Variants in DDX17 observed in about 807,000 individuals in gnomAD.
DDX17 encodes probable ATP-dependent RNA helicase DDX17.
In DDX17, 10 loss-of-function variants were observed where a neutral mutation model predicts 80.8. That is an observed-to-expected ratio of 0.12 (90% CI 0.08 to 0.21). The LOEUF is 0.21. Among genes scored for constraint, DDX17 ranks in the 10% least tolerant of loss-of-function variants. The pLI, the probability that DDX17 is intolerant of heterozygous loss-of-function variation, is 1.00. For synonymous variants in DDX17, 339 were observed against 336.2 expected (o/e 1.01, Z -0.09); for missense variants, 586 against 957.4 (o/e 0.61, Z 5.12).
chr22:38,490,097 G>T, intron 11 of DDX17: 1 of 1,114,068 alleles, frequency 9.0e-7, no homozygotes. Context: ...AAGGTGTCCT[G>T]TGTGTGCATG....
rs2089689753 is a variant in DDX17, at chr22:38,489,096, T to C, written c.1448-981A>G. 2 of 983,978 alleles carry C rather than the reference T, an allele frequency of 2.0e-6. No individual in the cohort carries two copies. The highest frequency in any genetic ancestry group is 4.7e-5 in the South Asian group (1 of 21,264). The allele number at this position is 983,978 out of a possible 1,614,324, so 61.0% of individuals were successfully genotyped here. The stretch of plus-strand genomic sequence containing the variant: ...CTACTTAAACAAACAATTTTAAGAA[T>C]ATAACAAAGAATCCTACTGTTTTGT... On this transcript the variant is annotated intron_variant, in intron 11 of 12. Transcript: ENST00000403230. The surrounding 1 kb of genome is among the most constrained non-coding windows in gnomAD (Gnocchi z 4.6).
rs773591933 is a variant in DDX17 at position 38,506,263 on chromosome 22, T to G, written c.-26A>C. ...GTTTGGCTACGCTCAAACCGGGCAGTGCCGCGGTTTAGGCGTCTCCTTCCT... is the reference window on the plus strand; with the variant it reads ...GTTTGGCTACGCTCAAACCGGGCAGGGCCGCGGTTTAGGCGTCTCCTTCCT... On this transcript the variant is annotated 5_prime_UTR_variant, in exon 1 of 13. Transcript: ENST00000403230. 1.5e-5 allele frequency: 24 copies of G among 1,576,762 alleles called. No individual in the cohort carries two copies. Among genetic ancestry groups the G allele is most frequent in the Non-Finnish European group, 1.9e-5 (22 of 1,164,402 alleles).
rs1287993345 is a variant in DDX17, at chr22:38,504,894, C to T, written c.287+1057G>A. ...CACACACACACATATCAAGTGGCGT[C>T]ACGTAACTCTTTGGGGAAGCGGGGG... On this transcript the variant is annotated intron_variant, in intron 1 of 12. Transcript: ENST00000403230. Among the ~76,000 whole-genome samples the T allele has an allele frequency of 2.6e-5, 4 of 151,680 alleles. No homozygotes were observed. The East Asian group carries it at 7.8e-4, about 29-fold the overall frequency.
intron 9 of DDX17, 50 bp downstream of exon 9, chr22:38,493,971 T>G: frequency 6.8e-7 from 1 of 1,465,452 alleles, no homozygotes; most frequent in Non-Finnish European, 9.4e-7. Context: ...ATTTAGAAAT[T>G]TCCAGTTAAC....
At chr22:38,498,172 A>T in intron 4 of DDX17, 22 bp from the exon 5 acceptor site, 1 of 1,610,728 alleles carries the variant, frequency 6.2e-7, no homozygotes, top group Non-Finnish European at 8.5e-7. Context: ...GGAAAGAATG[A>T]CAACCTTACG....
At chr22:38,503,068 T>TA (rs2089846295) in intron 1 of DDX17, among the ~76,000 whole-genome samples, 1 of 152,154 alleles carries the variant, frequency 6.6e-6, no homozygotes, top group Admixed American at 6.5e-5. Context: ...GCTAATTCCA[T>TA]TTATACCACT....
intron 1 of DDX17, among the ~76,000 whole-genome samples, chr22:38,502,700 AACAC>A (rs1348966718): frequency 6.6e-6 from 1 of 152,234 alleles, no homozygotes; most frequent in Non-Finnish European, 1.5e-5. Context: ...GAAGAATCTT[AACAC>A]TAAGATGGCC....
At chr22:38,495,154 A>T in intron 6 of DDX17, 108 bp from the exon 7 acceptor site, 2 of 1,079,468 alleles carry the variant, frequency 1.9e-6, no homozygotes, top group Non-Finnish European at 2.6e-6. Context: ...AGGCCAGTTC[A>T]CAACCAGCCT....
intron 12 of DDX17, 21 bp from the exon 13 acceptor site, chr22:38,486,461 G>A (rs1316286293): frequency 6.4e-7 from 1 of 1,568,648 alleles, no homozygotes; most frequent in Non-Finnish European, 8.6e-7. Context: ...GATACAAGAA[G>A]ATTTTTAATG....
chr22:38,506,282 C>G lies in DDX17; in HGVS notation c.-45G>C. On this transcript the variant is annotated 5_prime_UTR_variant, in exon 1 of 13. Transcript: ENST00000403230. Reference sequence around the variant, plus strand: ...GGGCAGTGCCGCGGTTTAGGCGTCTCCTTCCTTCCCAGCGACTGCACAAAA... The same window carrying G: ...GGGCAGTGCCGCGGTTTAGGCGTCTGCTTCCTTCCCAGCGACTGCACAAAA... 1 of 1,522,962 alleles carries G rather than the reference C, an allele frequency of 6.6e-7. No homozygotes were observed. The highest frequency in any genetic ancestry group is 8.8e-7 in the Non-Finnish European group (1 of 1,139,108). 94.3% of individuals were successfully genotyped at this position (1,522,962 alleles called of 1,614,324 possible).
intron 5 of DDX17, 62 bp downstream of exon 5, chr22:38,498,023 G>C: frequency 2.0e-6 from 3 of 1,498,752 alleles, no homozygotes; most frequent in South Asian, 2.3e-5. Flanking sequence ...AAAGCACCAA[G>C]CCTAAATAGT....
chr22:38,502,743 G>A (rs538194551), intron 1 of DDX17, among the ~76,000 whole-genome samples: 1 of 152,234 alleles, frequency 6.6e-6, no homozygotes, highest in South Asian at 2.1e-4. Flanking sequence ...ATCTTGTAAA[G>A]TACAGGTCTT....
intron 10 of DDX17, chr22:38,493,358 TG>T (rs1456034612): frequency 5.8e-6 from 1 of 172,846 alleles, no homozygotes. Context: ...TGTTTTGTTT[TG>T]TTTTTCTTTT....
chr22:38,490,083 T>C, intron 11 of DDX17: 1 of 1,088,548 alleles, frequency 9.2e-7, no homozygotes, highest in Non-Finnish European at 1.1e-6. Context: ...TTCTTCATAC[T>C]AGAAAGGTGT....
intron 11 of DDX17, chr22:38,488,514 C>T: frequency 9.5e-7 from 1 of 1,050,474 alleles, no homozygotes; most frequent in Non-Finnish European, 1.2e-6. Context: ...AGTTATGAGG[C>T]CAAATCACTT....
intron 5 of DDX17, among the ~76,000 whole-genome samples, chr22:38,497,297 CAAAA>C (rs138448): frequency 2.3e-3 from 84 of 36,164 alleles, no homozygotes; most frequent in South Asian, 3.4e-3. Context: ...AACTCCATCT[CAAAA>C]AAAAAAAAAA....
In DDX17 at chr22:38,494,047, A is replaced by T. The variant is rs1477332574; in HGVS notation, c.1299T>A (p.Asp433Glu). The T allele has an allele frequency of 6.2e-7, 1 of 1,613,996 alleles. No homozygotes were observed. Among genetic ancestry groups the T allele is most frequent in the Non-Finnish European group, 8.5e-7 (1 of 1,179,912 alleles). Residue 433 changes from aspartate (D) to glutamate (E), a missense_variant, in exon 9 of 13, where the codon GAT becomes GAA. Physicochemically the swap from Asp to Glu is conservative, Grantham distance 45. Coordinates refer to ENST00000403230, the MANE Select transcript of DDX17 (RefSeq NM_006386.5). Reference sequence around the variant, plus strand: ...CATCTCTGCGCATCCTTCGAGTCAGATCATCACAGCGTCTCTTTGTCTCCA... The same window carrying T: ...CATCTCTGCGCATCCTTCGAGTCAGTTCATCACAGCGTCTCTTTGTCTCCA...
chr22:38,493,737 G>A lies in DDX17; in HGVS notation c.1360C>T (p.Gln454Ter). The A allele has an allele frequency of 6.2e-7, 1 of 1,613,592 alleles. No individual in the cohort carries two copies. The change falls in exon 10 of 13, where the codon CAA (glutamine) becomes TAA (stop). Residue 454 changes from glutamine (Q) to a stop codon, truncating the protein, a stop_gained. Transcript: ENST00000403230. LOFTEE classifies it high-confidence loss of function. ...TTAAGTACCCAATCTCTTTCTGGTT[G>A]ACTCTTGTCTCCATGGATACACATA...
intron 11 of DDX17, chr22:38,488,684 C>G: frequency 1.0e-6 from 1 of 987,852 alleles, no homozygotes; most frequent in Non-Finnish European, 1.2e-6. Flanking sequence ...TTTTTTTGCT[C>G]TTATCTTTTT....
Sources: allele counts gnomAD v4.1 joint callset (sites outside exome capture counted in the v4.1 genomes callset), GRCh38; gene constraint gnomAD v4.1.1; non-coding constraint Gnocchi (gnomAD v3.1); transcripts MANE v1.5; gene names NCBI Gene and HGNC (gene_info 2026-07-23, HGNC 2026-07-21).